Variants in CGGBP1 observed in about 807,000 individuals in gnomAD.
CGGBP1 encodes CGG triplet repeat-binding protein 1.
A neutral mutation model predicts 11.4 loss-of-function variants in CGGBP1; 4 were observed. That is an observed-to-expected ratio of 0.35 (90% CI 0.17 to 0.80). The LOEUF is 0.80. Ranked by LOEUF, CGGBP1 falls within the 30% of genes least tolerant of loss-of-function variation. The pLI, the probability that CGGBP1 is intolerant of heterozygous loss-of-function variation, is 0.52. For missense variants in CGGBP1, 135 were observed against 202.1 expected, an observed-to-expected ratio of 0.67 and a Z score of 2.01; for synonymous variants, 76 against 74.1, an observed-to-expected ratio of 1.03 and a Z score of -0.13.
At chr3:88,126,579 CTTTTTTTTTTTTTTTT>C (rs144091813) in intron 2 of CGGBP1, among the ~76,000 whole-genome samples, 1 of 81,744 alleles carries the variant, frequency 1.2e-5, no homozygotes, top group Non-Finnish European at 2.4e-5. Context: ...GTAGAAACAT[CTTTTTTTTTTTTTTTT>C]TTTTTTTTTA....
chr3:88,132,086 C>G (rs1470137351), intron 2 of CGGBP1, among the ~76,000 whole-genome samples: 1 of 152,046 alleles, frequency 6.6e-6, no homozygotes, highest in African/African-American at 2.4e-5. Context: ...GTCATTTAAC[C>G]CAACAAGCTT....
intron 2 of CGGBP1, chr3:88,126,004 T>C (rs528649439): frequency 2.0e-6 from 2 of 1,012,636 alleles, no homozygotes; most frequent in Middle Eastern, 2.2e-4. Context: ...TAGGTTACAA[T>C]AGTAACCCTT....
intron 1 of CGGBP1, chr3:88,141,881 C>T (rs1269318313): frequency 2.6e-6 from 1 of 380,860 alleles, no homozygotes; most frequent in Admixed American, 4.2e-5. Context: ...CAGAAAACCA[C>T]ATTTTACAGT....
intron 2 of CGGBP1, chr3:88,140,873 A>G: frequency 1.2e-6 from 2 of 1,613,680 alleles, no homozygotes; most frequent in Non-Finnish European, 1.7e-6. Flanking sequence ...AACGCAGAAA[A>G]TTTCTGACTG....
chr3:88,061,203 T>C (rs1706861810), upstream of CGGBP1, among the ~76,000 whole-genome samples: 1 of 152,146 alleles, frequency 6.6e-6, no homozygotes. Flanking sequence ...ATATTTTTAA[T>C]ATATTCAGGG....
intron 2 of CGGBP1, among the ~76,000 whole-genome samples, chr3:88,137,193 T>TC (rs1217273055): frequency 1.8e-4 from 1 of 5,484 alleles, no homozygotes; most frequent in Non-Finnish European, 5.9e-4. Context: ...AGACTCTGTC[T>TC]CAAAAAAAAA....
chr3:88,105,036 A>G (rs1180980798), intron 2 of CGGBP1, among the ~76,000 whole-genome samples: 1 of 152,212 alleles, frequency 6.6e-6, no homozygotes, highest in African/African-American at 2.4e-5. Flanking sequence ...GCTACTCGGG[A>G]GACTGAGGCA....
chr3:88,148,661 G>T (rs1185158935), intron 1 of CGGBP1, among the ~76,000 whole-genome samples: 1 of 152,132 alleles, frequency 6.6e-6, no homozygotes, highest in Non-Finnish European at 1.5e-5. Context: ...TTGAGACAGG[G>T]TCTCGCTCTG....
chr3:88,113,287 T>C (rs1705202269), intron 2 of CGGBP1: 1 of 729,876 alleles, frequency 1.4e-6, no homozygotes, highest in Admixed American at 3.3e-5. Flanking sequence ...TATTATTGCT[T>C]ATAAGTTTTT....
chr3:88,081,848 T>G (rs943688961), intron 2 of CGGBP1, among the ~76,000 whole-genome samples: 40 of 152,224 alleles, frequency 2.6e-4, no homozygotes, highest in African/African-American at 9.6e-4. Context: ...TGTTTACTGT[T>G]GCTGTAGAGT....
Position 88,140,430 on chromosome 3 carries a change from T to A in CGGBP1, c.-229+540A>T, listed in dbSNP as rs61730544. ...TTCTACTAGCAAATCAAGGAAAGAG[T>A]CTACAGAACCAAAGACATGTATAGA... On this transcript the variant is annotated intron_variant, in intron 2 of 3. Transcript: ENST00000462901. 4 of 1,612,844 alleles carry A rather than the reference T, an allele frequency of 2.5e-6. No individual in the cohort carries two copies. Among genetic ancestry groups the A allele is most frequent in the Non-Finnish European group, 2.5e-6 (3 of 1,179,590 alleles).
chr3:88,135,067 G>C, intron 2 of CGGBP1: 2 of 1,411,400 alleles, frequency 1.4e-6, no homozygotes, highest in Non-Finnish European at 1.8e-6. Context: ...ACAGGGAGTT[G>C]ATTTTCATAT....
At chr3:88,059,756 A>C (rs1393765604), upstream of CGGBP1, among the ~76,000 whole-genome samples, 1 of 151,878 alleles carries the variant, frequency 6.6e-6, no homozygotes, top group Non-Finnish European at 1.5e-5. Flanking sequence ...GGAAAGAAGG[A>C]AGGTCGGCTG....
upstream of CGGBP1, chr3:88,059,054 A>T: frequency 4.9e-6 from 3 of 606,268 alleles, no homozygotes; most frequent in South Asian, 6.3e-5. Context: ...GCATTGACCA[A>T]CAGACGGCCG....
chr3:88,146,983 C>G (rs1707324627), intron 1 of CGGBP1, among the ~76,000 whole-genome samples: 1 of 152,162 alleles, frequency 6.6e-6, no homozygotes, highest in Non-Finnish European at 1.5e-5. Context: ...TCTACCCTTA[C>G]CCTCCCCTTC....
intron 2 of CGGBP1, among the ~76,000 whole-genome samples, chr3:88,071,551 G>A (rs541856838): frequency 6.6e-6 from 1 of 152,342 alleles, no homozygotes; most frequent in South Asian, 2.1e-4. Context: ...CAGGAGAATG[G>A]CGTGAACCTG....
chr3:88,115,825 T>G (rs933491853), intron 2 of CGGBP1, among the ~76,000 whole-genome samples: 3 of 152,096 alleles, frequency 2.0e-5, no homozygotes, highest in Admixed American at 6.6e-5. Flanking sequence ...TATCTAGCAG[T>G]TTTCGAGATT....
chr3:88,111,068 A>C (rs540468972), intron 2 of CGGBP1, among the ~76,000 whole-genome samples: 5 of 152,020 alleles, frequency 3.3e-5, no homozygotes, highest in Non-Finnish European at 7.4e-5. Flanking sequence ...TGTTTTAGGA[A>C]GATAATAACT....
chr3:88,132,178 T>A (rs1160508883), intron 2 of CGGBP1, among the ~76,000 whole-genome samples: 2 of 152,140 alleles, frequency 1.3e-5, no homozygotes, highest in Non-Finnish European at 2.9e-5. Context: ...GGATTCAAAC[T>A]TAGGCAGTCT....
Sources: allele counts gnomAD v4.1 joint callset (sites outside exome capture counted in the v4.1 genomes callset), GRCh38; gene constraint gnomAD v4.1.1; transcripts MANE v1.5; gene names NCBI Gene and HGNC (gene_info 2026-07-23, HGNC 2026-07-21).